GABBR2: variants seen among roughly 807,000 people sequenced by gnomAD.
GABBR2 encodes G-protein coupled receptor 51.
GABBR2 carries 23 observed loss-of-function variants against 105.6 expected under a neutral mutation model. The observed-to-expected ratio is 0.22, with a 90% CI of 0.16 to 0.31. The LOEUF (loss-of-function observed/expected upper bound fraction) is 0.31, where lower values mean the gene tolerates loss of function less well. Ranked by LOEUF, GABBR2 falls within the 10% of genes least tolerant of loss-of-function variation. The probability of loss-of-function intolerance (pLI) is 1.00; values close to 1 mark genes in which losing one functional copy is unlikely to be tolerated. For missense variants in GABBR2, 734 were observed against 1,245.5 expected (o/e 0.59, Z 6.18); for synonymous variants, 478 against 499.7 (o/e 0.96, Z 0.58).
intron 1 of GABBR2, among the ~76,000 whole-genome samples, chr9:98,658,332 T>C (rs1830209295): frequency 6.6e-6 from 1 of 152,096 alleles, no homozygotes; most frequent in Non-Finnish European, 1.5e-5. Flanking sequence ...CATCCCTATT[T>C]ATTTATAAAG....
At chr9:98,371,805 T>C (rs1445070007) in intron 11 of GABBR2, among the ~76,000 whole-genome samples, 1 of 152,226 alleles carries the variant, frequency 6.6e-6, no homozygotes, top group South Asian at 2.1e-4. Context: ...ATTCAAACCA[T>C]GCCTTAGATG....
intron 11 of GABBR2, among the ~76,000 whole-genome samples, chr9:98,377,585 T>C (rs1311784081): frequency 6.6e-6 from 1 of 152,242 alleles, no homozygotes; most frequent in Non-Finnish European, 1.5e-5. Flanking sequence ...GACCATGCTC[T>C]GTGCCTAGCA....
intron 2 of GABBR2, among the ~76,000 whole-genome samples, chr9:98,571,391 G>C (rs1828827477): frequency 6.6e-6 from 1 of 152,178 alleles, no homozygotes; most frequent in Admixed American, 6.5e-5. Context: ...GCATCAGTTG[G>C]AGTTTTTTGG....
At chr9:98,410,522 T>TC (rs1832569432) in intron 7 of GABBR2, among the ~76,000 whole-genome samples, 1 of 150,624 alleles carries the variant, frequency 6.6e-6, no homozygotes, top group African/African-American at 2.5e-5. Flanking sequence ...TTTTTTTTTT[T>TC]TTCTTCCTCT....
intron 12 of GABBR2, among the ~76,000 whole-genome samples, chr9:98,367,662 C>G: frequency 6.6e-6 from 1 of 152,098 alleles, no homozygotes; most frequent in East Asian, 1.9e-4. Context: ...GCACATTATT[C>G]CAGTATGAGA....
intron 7 of GABBR2, among the ~76,000 whole-genome samples, chr9:98,437,399 A>C (rs946639671): frequency 5.9e-5 from 9 of 151,620 alleles, no homozygotes; most frequent in African/African-American, 1.9e-4. Flanking sequence ...ACCACCGTCT[A>C]TCCATCCATC....
At chr9:98,651,142 T>A in intron 1 of GABBR2, among the ~76,000 whole-genome samples, 1 of 132,416 alleles carries the variant, frequency 7.6e-6, no homozygotes, top group Non-Finnish European at 1.6e-5. Flanking sequence ...CACACTGGTT[T>A]TTTTTTTTTT....
At chr9:98,528,695 A>C (rs1828008758) in intron 3 of GABBR2, among the ~76,000 whole-genome samples, 1 of 152,216 alleles carries the variant, frequency 6.6e-6, no homozygotes, top group African/African-American at 2.4e-5. Context: ...GAAATGAGAA[A>C]TATTCTTAGT....
chr9:98,666,961 G>A (rs1830343079), intron 1 of GABBR2, among the ~76,000 whole-genome samples: 1 of 152,122 alleles, frequency 6.6e-6, no homozygotes, highest in African/African-American at 2.4e-5. Flanking sequence ...TGCGTTTGGT[G>A]CCCAGGTGAT....
chr9:98,483,669 G>A (rs2131646945), intron 4 of GABBR2, among the ~76,000 whole-genome samples: 1 of 152,260 alleles, frequency 6.6e-6, no homozygotes, highest in Non-Finnish European at 1.5e-5. Flanking sequence ...CATTCTGCAA[G>A]TCTATCCCTC....
chr9:98,533,932 C>T (rs1048697266), intron 3 of GABBR2, among the ~76,000 whole-genome samples: 3 of 151,380 alleles, frequency 2.0e-5, no homozygotes, highest in Non-Finnish European at 2.9e-5. Flanking sequence ...TGTTCCTGCT[C>T]AGAGCAGCAG....
Position 98,306,522 on chromosome 9 carries a change from C to T in GABBR2, c.2005-177G>A. 2 of 625,604 alleles carry T rather than the reference C, an allele frequency of 3.2e-6. No individual in the cohort carries two copies. Among genetic ancestry groups the T allele is most frequent in the Non-Finnish European group, 5.8e-6 (2 of 347,408 alleles). 38.8% of individuals were successfully genotyped at this position (625,604 alleles called of 1,614,324 possible). On this transcript the variant is annotated intron_variant, in intron 14 of 18. Coordinates refer to ENST00000259455, the MANE Select transcript of GABBR2 (RefSeq NM_005458.8). This position sits in a 1 kb window ranked among gnomAD's most constrained non-coding sequence, Gnocchi z 5.4. ...TGTCACCATCTGTCCCCACTTGTGG[C>T]CCTGCTGAGTCCTGCTGAGCAAATG...
chr9:98,366,724 G>A (rs1422620625), intron 12 of GABBR2, among the ~76,000 whole-genome samples: 1 of 152,224 alleles, frequency 6.6e-6, no homozygotes, highest in African/African-American at 2.4e-5. Flanking sequence ...TTAGATGGCA[G>A]ATGCTTCATG....
chr9:98,384,291 A>C (rs879279052), intron 11 of GABBR2, among the ~76,000 whole-genome samples: 1 of 152,250 alleles, frequency 6.6e-6, no homozygotes, highest in Non-Finnish European at 1.5e-5. Context: ...ACTGAGAGTT[A>C]GTTCCATAAA....
At chr9:98,497,215 C>A (rs114356384) in intron 3 of GABBR2, among the ~76,000 whole-genome samples, 5 of 152,208 alleles carry the variant, frequency 3.3e-5, no homozygotes, top group Non-Finnish European at 7.4e-5. Flanking sequence ...TGCAGTGAGC[C>A]GTGATCACGC....
intron 4 of GABBR2, among the ~76,000 whole-genome samples, chr9:98,486,137 A>G (rs941472406): frequency 6.6e-6 from 1 of 152,138 alleles, no homozygotes; most frequent in African/African-American, 2.4e-5. Context: ...CTCTGTTTGT[A>G]GGGACTTCAA....
At chr9:98,625,372 T>C (rs1463796232) in intron 1 of GABBR2, among the ~76,000 whole-genome samples, 1 of 152,204 alleles carries the variant, frequency 6.6e-6, no homozygotes, top group Admixed American at 6.5e-5. Flanking sequence ...GTGGAAACTG[T>C]TCCCTGTCCT....
chr9:98,371,331 G>A (rs1416732934), intron 12 of GABBR2, 133 bp downstream of exon 12: 1 of 623,034 alleles, frequency 1.6e-6, no homozygotes, highest in Non-Finnish European at 2.9e-6. Context: ...TAGGGTGAAG[G>A]TGGCAGGAGG....
At chr9:98,299,690 C>T (rs929321187) in intron 16 of GABBR2, among the ~76,000 whole-genome samples, 1 of 152,102 alleles carries the variant, frequency 6.6e-6, no homozygotes, top group African/African-American at 2.4e-5. Context: ...CCCAAGGCTG[C>T]CCCTTACTTG....
Sources: allele counts gnomAD v4.1 joint callset (sites outside exome capture counted in the v4.1 genomes callset), GRCh38; gene constraint gnomAD v4.1.1; non-coding constraint Gnocchi (gnomAD v3.1); transcripts MANE v1.5; gene names NCBI Gene and HGNC (gene_info 2026-07-23, HGNC 2026-07-21).